SRGAP2B: variants seen among roughly 807,000 people sequenced by gnomAD.
SRGAP2B encodes SLIT-ROBO Rho GTPase-activating protein 2B.
Under a neutral mutation model 22.2 loss-of-function variants are expected in SRGAP2B, and 9 were observed. The ratio of observed to expected loss-of-function variants is 0.41; its 90% CI spans 0.24 to 0.71. The LOEUF is 0.71. Among genes scored for constraint, SRGAP2B ranks in the 30% least tolerant of loss-of-function variants. SRGAP2B has a pLI of 0.35. For synonymous variants in SRGAP2B, 36 were observed against 87.4 expected (o/e 0.41, Z 3.28); for missense variants, 114 against 235.8 (o/e 0.48, Z 3.38).
rs1408146873 is a variant in SRGAP2B at position 144,909,072 on chromosome 1, A to G, written c.487-2998T>C. Among the ~76,000 whole-genome samples, 203 of 147,288 alleles carry G rather than the reference A, an allele frequency of 1.4e-3. 6 individuals carry two copies. The highest frequency in any genetic ancestry group is 4.8e-3 in the African/African-American group (185 of 38,494). ...CCACACTAAAATAATAGGAAAAAAA[A>G]GGTTCTAAAATGATTATCATTTAGG... On this transcript the variant is annotated intron_variant, in intron 5 of 9. Transcript: ENST00000612199.
At position 144,942,542 on chromosome 1, in the gene SRGAP2B, C is replaced by T. The variant is rs1475142531; in HGVS notation, c.423+12897G>A. Among the ~76,000 whole-genome samples the T allele has an allele frequency of 2.0e-5, 3 of 150,778 alleles. No homozygotes were observed. The East Asian group carries it at 5.8e-4, about 29-fold the overall frequency. On this transcript the variant is annotated intron_variant, in intron 4 of 9. Coordinates refer to ENST00000612199, the Ensembl canonical transcript of SRGAP2B. ...TCAAGTGATTCTCCTCCCTAAGCCTCCTGAGTAGCTGAGATTACAGGAATA... is the reference window on the plus strand; with the variant it reads ...TCAAGTGATTCTCCTCCCTAAGCCTTCTGAGTAGCTGAGATTACAGGAATA...
chr1:145,068,295 C>G (rs1651731169), intron 2 of SRGAP2B, among the ~76,000 whole-genome samples: 1 of 147,244 alleles, frequency 6.8e-6, no homozygotes, highest in Admixed American at 6.7e-5. Flanking sequence ...AGCACCAGAC[C>G]AGAGCCTGGT....
At chr1:144,972,558 CT>C (rs1668602075) in intron 3 of SRGAP2B, among the ~76,000 whole-genome samples, 1 of 129,538 alleles carries the variant, frequency 7.7e-6, no homozygotes, top group East Asian at 2.2e-4. Flanking sequence ...ACCTGGAATG[CT>C]TGTTTAAAAT....
chr1:144,941,058 G>C (rs1295316641), intron 4 of SRGAP2B, among the ~76,000 whole-genome samples: 1 of 148,430 alleles, frequency 6.7e-6, no homozygotes, highest in South Asian at 2.1e-4. Context: ...TGTTAATCAT[G>C]ATTCCAAGTA....
intron 1 of SRGAP2B, among the ~76,000 whole-genome samples, chr1:145,094,100 C>G (rs1159813494): frequency 2.0e-5 from 2 of 102,290 alleles, no homozygotes; most frequent in Admixed American, 2.0e-4. Context: ...AGGCAGCCGT[C>G]GCCTCCCTCA....
intron 4 of SRGAP2B, among the ~76,000 whole-genome samples, chr1:144,953,923 G>C (rs1667073930): frequency 6.8e-6 from 1 of 147,530 alleles, no homozygotes; most frequent in African/African-American, 2.6e-5. Context: ...TGGCTGTCAA[G>C]GTCATAGAGA....
intron 4 of SRGAP2B, among the ~76,000 whole-genome samples, chr1:144,948,909 C>CT (rs57634038): frequency 0.092 from 9,263 of 100,166 alleles, 520 homozygotes; most frequent in African/African-American, 0.16. Flanking sequence ...ATATGGACCT[C>CT]TTTTTTTTTT....
intron 3 of SRGAP2B, among the ~76,000 whole-genome samples, chr1:144,962,822 CATTT>C (rs1315194250): frequency 6.6e-6 from 1 of 150,886 alleles, no homozygotes; most frequent in Non-Finnish European, 1.5e-5. Context: ...TTCATTCATT[CATTT>C]AACAAATATT....
intron 3 of SRGAP2B, among the ~76,000 whole-genome samples, chr1:144,984,341 C>A (rs1669543634): frequency 2.7e-5 from 3 of 113,002 alleles, no homozygotes; most frequent in Non-Finnish European, 5.9e-5. Context: ...CAAACAACAA[C>A]AACAACAACA....
chr1:145,058,081 A>G (rs1457659054), intron 2 of SRGAP2B, among the ~76,000 whole-genome samples: 3 of 149,094 alleles, frequency 2.0e-5, no homozygotes, highest in Non-Finnish European at 3.0e-5. Flanking sequence ...CAGCAGCCCT[A>G]TGGGAAACGC....
intron 4 of SRGAP2B, among the ~76,000 whole-genome samples, chr1:144,943,865 C>A (rs587759057): frequency 6.7e-6 from 1 of 150,166 alleles, no homozygotes; most frequent in African/African-American, 2.5e-5. Flanking sequence ...TCCTAGGAAC[C>A]CCCTCAGCCC....
At chr1:144,955,234 CT>C (rs1412947571) in intron 4 of SRGAP2B, among the ~76,000 whole-genome samples, 1 of 149,150 alleles carries the variant, frequency 6.7e-6, no homozygotes, top group Non-Finnish European at 1.5e-5. Context: ...ATAAGATATT[CT>C]TTCTTTTATT....
Position 145,093,869 on chromosome 1 carries a change from G to C in SRGAP2B, c.-542-426C>G, listed in dbSNP as rs1416871325. ...AAAGCCGGGGAGGGACAAGCCACCA[G>C]GGCACAACTTTTCTTCCTCTCCCGC... On this transcript the variant is annotated intron_variant, in intron 1 of 9. Transcript: ENST00000612199. 6.9e-5 allele frequency among the ~76,000 whole-genome samples: 10 copies of C among 144,790 alleles called. No homozygotes were observed. The South Asian group carries it at 1.5e-3, about 22-fold the overall frequency. 95.0% of individuals were successfully genotyped at this position (144,790 alleles called of 152,430 possible). A position where few individuals can be genotyped will look rare whatever the true frequency, so the allele number is the denominator to read the frequency against.
intron 3 of SRGAP2B, among the ~76,000 whole-genome samples, chr1:144,975,415 A>G (rs1216871448): frequency 2.7e-5 from 4 of 149,496 alleles, no homozygotes; most frequent in Non-Finnish European, 5.9e-5. Context: ...GGTCATGGGA[A>G]GAATCCTTCA....
At chr1:144,975,356 A>T (rs1668817749) in intron 3 of SRGAP2B, among the ~76,000 whole-genome samples, 1 of 149,432 alleles carries the variant, frequency 6.7e-6, no homozygotes, top group Non-Finnish European at 1.5e-5. Context: ...TTGAAATTTG[A>T]TTGCAATTGC....
At chr1:144,996,262 C>T (rs1553618444) in intron 2 of SRGAP2B, among the ~76,000 whole-genome samples, 1 of 149,536 alleles carries the variant, frequency 6.7e-6, no homozygotes, top group Non-Finnish European at 1.5e-5. Context: ...ATGTCCCAAT[C>T]CCCATCTGAG....
At chr1:144,994,577 A>T (rs1553119445) in intron 3 of SRGAP2B, among the ~76,000 whole-genome samples, 20,820 of 136,972 alleles carry the variant, frequency 0.15, 1,631 homozygotes, top group Admixed American at 0.19. Context: ...TGAGAGAGAG[A>T]GAGAGAGAGA....
At chr1:144,963,894 A>G (rs1553611670) in intron 3 of SRGAP2B, among the ~76,000 whole-genome samples, 1 of 151,268 alleles carries the variant, frequency 6.6e-6, no homozygotes, top group Non-Finnish European at 1.5e-5. Context: ...CCAAATAGCA[A>G]TAAGCCACTG....
At chr1:145,063,938 C>A in intron 2 of SRGAP2B, among the ~76,000 whole-genome samples, 2 of 148,986 alleles carry the variant, frequency 1.3e-5, no homozygotes, top group East Asian at 3.9e-4. Context: ...CCATTTCCTG[C>A]AGTTCTTAAC....
Sources: gnomAD v4.1 joint callset for allele counts (sites outside exome capture counted in the v4.1 genomes callset) on GRCh38, gnomAD v4.1.1 for gene constraint, MANE v1.5 for transcripts, NCBI Gene and HGNC (gene_info 2026-07-23, HGNC 2026-07-21) for gene names.